Variants in ACER3 observed in about 807,000 individuals in gnomAD.
ACER3 encodes alkaline ceramidase 3, also known as alkCDase 3.
ACER3 carries 16 observed loss-of-function variants against 48.9 expected under a neutral mutation model. The ratio of observed to expected loss-of-function variants is 0.33; its 90% confidence interval spans 0.22 to 0.50. The LOEUF (loss-of-function observed/expected upper bound fraction) is 0.50. Among genes scored for constraint, ACER3 ranks in the 20% least tolerant of loss-of-function variants. The pLI is 0.98. For missense variants in ACER3, 227 were observed against 326.0 expected, an observed-to-expected ratio of 0.70 and a Z score of 2.34; for synonymous variants, 109 against 107.8, an observed-to-expected ratio of 1.01 and a Z score of -0.07.
At chr11:76,924,213 G>A (rs971425113) in intron 1 of ACER3, among the ~76,000 whole-genome samples, 1 of 151,986 alleles carries the variant, frequency 6.6e-6, no homozygotes, top group African/African-American at 2.4e-5. Context: ...CTTGAAAATA[G>A]TTGTTTCATA....
At chr11:76,875,104 C>CTTATT (rs1403847569) in intron 1 of ACER3, among the ~76,000 whole-genome samples, 2 of 50,538 alleles carry the variant, frequency 4.0e-5, no homozygotes, top group South Asian at 8.2e-4. Flanking sequence ...ATGAAAAGCA[C>CTTATT]TTCTTTTTTT....
chr11:76,875,657 C>T (rs1945353599), intron 1 of ACER3, among the ~76,000 whole-genome samples: 1 of 148,580 alleles, frequency 6.7e-6, no homozygotes, highest in African/African-American at 2.5e-5. Context: ...TAAAGCATAT[C>T]ATTAAAGTTT....
chr11:76,936,609 A>G (rs560870838), intron 2 of ACER3, among the ~76,000 whole-genome samples: 1 of 152,268 alleles, frequency 6.6e-6, no homozygotes, highest in South Asian at 2.1e-4. Flanking sequence ...TCGCTTTTGC[A>G]TGACAAAAAA....
At chr11:76,864,003 A>T (rs1057385511) in intron 1 of ACER3, among the ~76,000 whole-genome samples, 2 of 152,234 alleles carry the variant, frequency 1.3e-5, no homozygotes, top group African/African-American at 4.8e-5. Flanking sequence ...CACACAGGAC[A>T]AATTGAACAA....
intron 1 of ACER3, chr11:76,868,200 T>C (rs1945144361): frequency 7.8e-7 from 1 of 1,289,728 alleles, no homozygotes; most frequent in South Asian, 1.2e-5. Context: ...CTTGGGACTC[T>C]GGGCTGGCAG....
chr11:76,946,984 T>TC (rs2134955474), intron 2 of ACER3, among the ~76,000 whole-genome samples: 1 of 152,306 alleles, frequency 6.6e-6, no homozygotes, highest in East Asian at 1.9e-4. Context: ...TCCAGGACCC[T>TC]CCCCAGGCTT....
At chr11:76,916,699 C>G (rs1008458708) in intron 1 of ACER3, among the ~76,000 whole-genome samples, 1 of 152,144 alleles carries the variant, frequency 6.6e-6, no homozygotes, top group Admixed American at 6.5e-5. Context: ...TCAATAATGC[C>G]TCTTCATTAC....
chr11:76,952,856 G>A (rs1947721882), intron 2 of ACER3, among the ~76,000 whole-genome samples: 1 of 151,342 alleles, frequency 6.6e-6, no homozygotes, highest in Admixed American at 6.6e-5. Flanking sequence ...AGTAAAGAGA[G>A]GGTTTCACCA....
At chr11:76,864,487 A>G (rs1342908949) in intron 1 of ACER3, among the ~76,000 whole-genome samples, 2 of 152,244 alleles carry the variant, frequency 1.3e-5, no homozygotes, top group African/African-American at 4.8e-5. Context: ...ATACTTTAAA[A>G]CATTAAAAAC....
chr11:76,899,987 A>G (rs535162864), intron 1 of ACER3, among the ~76,000 whole-genome samples: 1 of 152,346 alleles, frequency 6.6e-6, no homozygotes, highest in Non-Finnish European at 1.5e-5. Context: ...TGTATTATAT[A>G]CTATATTCTT....
intron 2 of ACER3, among the ~76,000 whole-genome samples, chr11:76,929,769 G>A (rs991672534): frequency 7.9e-5 from 12 of 152,276 alleles, no homozygotes; most frequent in African/African-American, 1.9e-4. Context: ...GCTGGATTAC[G>A]TTTATTGATT....
At chr11:76,911,171 G>A (rs1353522881) in intron 1 of ACER3, among the ~76,000 whole-genome samples, 2 of 152,152 alleles carry the variant, frequency 1.3e-5, no homozygotes, top group Non-Finnish European at 2.9e-5. Context: ...CAAGGGCAGA[G>A]CAACCCTGAG....
chr11:76,870,600 T>C (rs1945218859), intron 1 of ACER3, among the ~76,000 whole-genome samples: 1 of 152,232 alleles, frequency 6.6e-6, no homozygotes, highest in African/African-American at 2.4e-5. Flanking sequence ...CTTTTCATTA[T>C]AAAGAAACCT....
chr11:76,956,272 G>C (rs1336337800), intron 2 of ACER3, among the ~76,000 whole-genome samples: 2 of 152,138 alleles, frequency 1.3e-5, no homozygotes, highest in Non-Finnish European at 2.9e-5. Context: ...ATATTGCATA[G>C]AGAATGCTGT....
chr11:76,928,130 C>G (rs1432310396), intron 2 of ACER3, among the ~76,000 whole-genome samples: 4 of 152,008 alleles, frequency 2.6e-5, no homozygotes, highest in African/African-American at 7.2e-5. Context: ...GTGTTGTTTC[C>G]TGACTTTTTA....
chr11:76,860,922 C>G lies in ACER3; in HGVS notation c.-55C>G, dbSNP rs1944917782. 3.1e-6 allele frequency: 4 copies of G among 1,304,546 alleles called. No individual in the cohort carries two copies. Among genetic ancestry groups the G allele is most frequent in the Admixed American group, 2.5e-5 (1 of 39,470 alleles). The allele number at this position is 1,304,546 out of a possible 1,614,324, so 80.8% of individuals were successfully genotyped here. ...GGCTGGGCCGGAGCCGGCCTGGTCGCCAGCCTAACCCGGCACAGTGAGCGG... is the reference window on the plus strand; with the variant it reads ...GGCTGGGCCGGAGCCGGCCTGGTCGGCAGCCTAACCCGGCACAGTGAGCGG... On this transcript the variant is annotated 5_prime_UTR_variant, in exon 1 of 11. Coordinates refer to ENST00000532485, the MANE Select transcript of ACER3 (RefSeq NM_018367.7).
intron 1 of ACER3, among the ~76,000 whole-genome samples, chr11:76,897,033 C>T (rs942182214): frequency 2.6e-5 from 4 of 152,142 alleles, no homozygotes; most frequent in African/African-American, 9.7e-5. Flanking sequence ...TCTCAGCTCA[C>T]TGCAACCTCC....
intron 6 of ACER3, among the ~76,000 whole-genome samples, chr11:76,996,040 C>G (rs1948903020): frequency 6.6e-6 from 1 of 152,050 alleles, no homozygotes; most frequent in African/African-American, 2.4e-5. Context: ...ACTTTTCTCC[C>G]TAGTCTTTCT....
intron 4 of ACER3, 100 bp downstream of exon 4, chr11:76,976,441 T>G (rs1948445759): frequency 1.5e-6 from 1 of 650,850 alleles, no homozygotes; most frequent in African/African-American, 1.9e-5. Context: ...CTAGGATATT[T>G]TAATAATGTA....
Sources: allele counts gnomAD v4.1 joint callset (sites outside exome capture counted in the v4.1 genomes callset), GRCh38; gene constraint gnomAD v4.1.1; transcripts MANE v1.5; gene names NCBI Gene and HGNC (gene_info 2026-07-23, HGNC 2026-07-21).